The following ZNF81 variants were observed in gnomAD, a reference collection of about 807,000 sequenced individuals.
ZNF81 encodes zinc finger protein 81.
ZNF81 carries 5 observed loss-of-function variants against 32.3 expected under a neutral mutation model. That is an observed-to-expected ratio of 0.15 (90% CI 0.08 to 0.33). The LOEUF (loss-of-function observed/expected upper bound fraction) is 0.33. ZNF81 is among the 10% of genes least tolerant of loss of function. The pLI is 1.00. For synonymous variants in ZNF81, 163 were observed against 166.8 expected, an observed-to-expected ratio of 0.98 and a Z score of 0.17; for missense variants, 379 against 479.8, an observed-to-expected ratio of 0.79 and a Z score of 1.96.
chrX:47,878,105 C>T lies in ZNF81; in HGVS notation c.55-9894C>T, dbSNP rs182484682. Reference sequence around the variant, plus strand: ...GAACATCCCAGCTGTTGCCATTCTTCCTTAACAAACTTTACATCCCCTCCT... The same window carrying T: ...GAACATCCCAGCTGTTGCCATTCTTTCTTAACAAACTTTACATCCCCTCCT... On this transcript the variant is annotated intron_variant, in intron 2 of 4. Transcript: ENST00000338637. Among the ~76,000 whole-genome samples, 707 of 111,925 alleles carry T rather than the reference C, an allele frequency of 6.3e-3. 19 individuals are homozygous for T. The highest frequency in any genetic ancestry group is 0.063 in the Admixed American group (662 of 10,552).
chrX:47,891,524 C>G (rs1556886470), intron 3 of ZNF81, among the ~76,000 whole-genome samples: 1 of 112,166 alleles, frequency 8.9e-6, no homozygotes, highest in East Asian at 2.8e-4. Flanking sequence ...TTCACTTGGC[C>G]TTTCCCACCA....
At chrX:47,895,819 A>C (rs1199716508) in intron 3 of ZNF81, 26 bp from the exon 4 acceptor site, 1 of 1,139,512 alleles carries the variant, frequency 8.8e-7, no homozygotes, top group African/African-American at 1.8e-5. Context: ...TGCTGGACCC[A>C]ATTCTCTATC....
At chrX:47,839,944 A>G (rs2058440155) in intron 1 of ZNF81, among the ~76,000 whole-genome samples, 1 of 110,413 alleles carries the variant, frequency 9.1e-6, no homozygotes, top group Non-Finnish European at 1.9e-5. Flanking sequence ...ATTTTTTTTA[A>G]AGCTCATCAG....
Position 47,895,856 on chromosome X carries a change from C to T in ZNF81, c.193C>T (p.Pro65Ser), listed in dbSNP as rs2058677931. The change falls in exon 4 of 5, where the codon CCT becomes TCT. Residue 65 changes from proline (P) to serine (S), a missense_variant. Pro to Ser is a moderately conservative substitution (Grantham distance 74, BLOSUM62 -1). Around this residue, in one of 2 missense-constraint regions of ZNF81, gnomAD observed 277 missense variants for 306.6 expected, o/e 0.90. Transcript: ENST00000338637. Reference sequence around the variant, plus strand: ...TGTCCTGTTAACAGGGTTCGAAGTTCCTAAACCAGAGGTCATCTTCAAGTT... The same window carrying T: ...TGTCCTGTTAACAGGGTTCGAAGTTTCTAAACCAGAGGTCATCTTCAAGTT... Reference protein sequence around the residue: ...SHLLSVGFEVPKPEVIFKLEQ... With the variant: ...SHLLSVGFEVSKPEVIFKLEQ... The T allele has an allele frequency of 8.3e-7, 1 of 1,207,010 alleles. No individual in the cohort carries two copies. Among genetic ancestry groups the T allele is most frequent in the Admixed American group, 2.2e-5 (1 of 45,655 alleles).
chrX:47,873,535 T>C (rs1267677962), intron 2 of ZNF81, among the ~76,000 whole-genome samples: 2 of 112,022 alleles, frequency 1.8e-5, no homozygotes, highest in African/African-American at 6.5e-5. Context: ...CCTCTTCCAA[T>C]GTCCTGGCTT....
intron 1 of ZNF81, 44 bp downstream of exon 1, chrX:47,837,031 G>T: frequency 6.6e-6 from 1 of 152,181 alleles, no homozygotes; most frequent in South Asian, 1.4e-4. Context: ...GATTCTGTGT[G>T]GCCAGTGATG....
At chrX:47,849,144 C>G (rs1414194222) in intron 2 of ZNF81, among the ~76,000 whole-genome samples, 4 of 111,844 alleles carry the variant, frequency 3.6e-5, no homozygotes, top group Admixed American at 9.5e-5. Flanking sequence ...TGTGTATACC[C>G]TCTCTTAAAT....
chrX:47,916,692 T>G lies in ZNF81; in HGVS notation c.*60T>G. ...AAGGCTGACAAAAGTCAGGTCTAAC[T>G]ATATATTATAAAATTCATCCAAGAC... On this transcript the variant is annotated 3_prime_UTR_variant, in exon 5 of 5. Transcript: ENST00000338637. The G allele has an allele frequency of 9.2e-7, 1 of 1,084,076 alleles. No individual in the cohort carries two copies. The highest frequency in any genetic ancestry group is 1.2e-6 in the Non-Finnish European group (1 of 816,128). 89.3% of individuals were successfully genotyped at this position (1,084,076 alleles called of 1,213,427 possible).
rs545107424 is a variant in ZNF81, at chrX:47,843,271, G to A, written c.-163-2834G>A. The stretch of plus-strand genomic sequence containing the variant: ...TTATTTCCACTTTTTGGCTATTATG[G>A]ATAATGCTGCTGTGACTATTTGTGT... On this transcript the variant is annotated intron_variant, in intron 1 of 4. Transcript: ENST00000338637. Among the ~76,000 whole-genome samples the A allele has an allele frequency of 1.2e-4, 13 of 111,449 alleles. No individual in the cohort carries two copies. In the South Asian group the frequency reaches 4.9e-3, roughly 42 times the overall value.
chrX:47,853,387 G>A (rs1004327880), intron 2 of ZNF81, among the ~76,000 whole-genome samples: 3 of 110,876 alleles, frequency 2.7e-5, no homozygotes, highest in Admixed American at 1.9e-4. Context: ...TCACCATGTT[G>A]GCCAGGATGG....
chrX:47,915,839 A>C lies in ZNF81; in HGVS notation c.1193A>C (p.Asn398Thr). Residue 398 changes from asparagine to threonine, a missense_variant, in exon 5 of 5, where the codon AAC becomes ACC. By Grantham distance (65) the Asn-to-Thr change is moderately conservative. Transcript: ENST00000338637. ...GAATGTGGTAAAGGCTTCTCCCTGA[A>C]CTCAGCCCTCAATATACATCAGAAA... ...CSECGKGFSL[N>T]SALNIHQKIH... 8.3e-7 allele frequency: 1 copy of C among 1,210,937 alleles called. No homozygotes were observed. Among genetic ancestry groups the C allele is most frequent in the Non-Finnish European group, 1.1e-6 (1 of 895,229 alleles).
intron 2 of ZNF81, among the ~76,000 whole-genome samples, chrX:47,870,397 A>G (rs1234765269): frequency 8.9e-6 from 1 of 112,382 alleles, no homozygotes; most frequent in Non-Finnish European, 1.9e-5. Flanking sequence ...ATCTTGGCCA[A>G]TGAGTTTTTT....
rs2058779973 is a variant in ZNF81 at position 47,922,395 on chromosome X, A to G, written c.*5763A>G. 1 of 112,528 alleles carries G rather than the reference A, an allele frequency of 8.9e-6. No individual in the cohort carries two copies. The highest frequency in any genetic ancestry group is 3.2e-5 in the African/African-American group (1 of 30,935). The allele number at this position is 112,528 out of a possible 1,213,427, so 9.3% of individuals were successfully genotyped here. On this transcript the variant is annotated 3_prime_UTR_variant, in exon 5 of 5. Coordinates refer to ENST00000338637, the MANE Select transcript of ZNF81 (RefSeq NM_007137.5). ...AACAATATTTGTTTTGAATGGTTGCATGATAGTTTATGGGGTGGATGTACA... is the reference window on the plus strand; with the variant it reads ...AACAATATTTGTTTTGAATGGTTGCGTGATAGTTTATGGGGTGGATGTACA...
At chrX:47,889,289 G>T (rs1366006683) in intron 3 of ZNF81, among the ~76,000 whole-genome samples, 1 of 112,458 alleles carries the variant, frequency 8.9e-6, no homozygotes, top group Non-Finnish European at 1.9e-5. Flanking sequence ...AGAGACAGGA[G>T]AAAATGAAGG....
intron 2 of ZNF81, among the ~76,000 whole-genome samples, chrX:47,850,116 C>T (rs2058487666): frequency 9.0e-6 from 1 of 111,306 alleles, no homozygotes; most frequent in South Asian, 3.8e-4. Context: ...TAGGAAAACA[C>T]CCACCAGAAA....
At chrX:47,903,017 G>A (rs1470242469) in intron 4 of ZNF81, among the ~76,000 whole-genome samples, 2 of 111,952 alleles carry the variant, frequency 1.8e-5, no homozygotes, top group African/African-American at 6.5e-5. Flanking sequence ...CAACCCTTAA[G>A]GCTAAGAACT....
At position 47,916,735 on chromosome X, in the gene ZNF81, A is replaced by G. The variant is rs782509612; in HGVS notation, c.*103A>G. 110 of 892,471 alleles carry G rather than the reference A, an allele frequency of 1.2e-4. No homozygotes were observed. The highest frequency in any genetic ancestry group is 6.5e-4 in the African/African-American group (32 of 49,243). 73.5% of individuals were successfully genotyped at this position (892,471 alleles called of 1,213,427 possible). A position where few individuals can be genotyped will look rare whatever the true frequency, so the allele number is the denominator to read the frequency against. On this transcript the variant is annotated 3_prime_UTR_variant, in exon 5 of 5. Transcript: ENST00000338637. ...TCCAAGACAGATCCTATATGAATACATTGTATAAGGAAAAGCATCAGGCTA... is the reference window on the plus strand; with the variant it reads ...TCCAAGACAGATCCTATATGAATACGTTGTATAAGGAAAAGCATCAGGCTA...
intron 2 of ZNF81, among the ~76,000 whole-genome samples, chrX:47,862,879 C>A (rs1383654953): frequency 9.0e-6 from 1 of 111,282 alleles, no homozygotes; most frequent in Non-Finnish European, 1.9e-5. Flanking sequence ...CAGGGGAAGT[C>A]CTAGTCAGCT....
intron 4 of ZNF81, among the ~76,000 whole-genome samples, chrX:47,905,409 T>TAAAAA (rs782351301): frequency 3.4e-5 from 1 of 29,460 alleles, no homozygotes; most frequent in Non-Finnish European, 6.1e-5. Flanking sequence ...AGACTCCATC[T>TAAAAA]AAAAAAAAAA....
Sources: allele counts gnomAD v4.1 joint callset (sites outside exome capture counted in the v4.1 genomes callset), GRCh38; gene constraint gnomAD v4.1.1; regional missense constraint gnomAD v4.1.1; transcripts MANE v1.5; gene names NCBI Gene and HGNC (gene_info 2026-07-23, HGNC 2026-07-21).